Variants in RFTN1 observed in about 807,000 individuals in gnomAD.
RFTN1 encodes the protein raftlin.
A neutral mutation model predicts 46.5 loss-of-function variants in RFTN1; 26 were observed. That is an observed-to-expected ratio of 0.56 (90% CI 0.41 to 0.78). RFTN1 has a LOEUF of 0.78. Ranked by LOEUF, RFTN1 falls within the 30% of genes least tolerant of loss-of-function variation. RFTN1 has a pLI of 0.00. For missense variants in RFTN1, 693 were observed against 718.7 expected (o/e 0.96, Z 0.41); for synonymous variants, 261 against 284.2 (o/e 0.92, Z 0.82).
rs146279383 is a variant in RFTN1, at chr3:16,392,151, G to A, written c.442-14049C>T. 9.9e-5 allele frequency among the ~76,000 whole-genome samples: 15 copies of A among 152,190 alleles called. No homozygotes were observed. The East Asian group carries it at 2.7e-3, about 27-fold the overall frequency. On this transcript the variant is annotated intron_variant, in intron 4 of 9. Coordinates refer to ENST00000334133, the MANE Select transcript of RFTN1 (RefSeq NM_015150.2). ...CTGACTCCAATCCTAATGGGACCTGGCTCTTTGAGTGGGAATTCTCCCAAA... is the reference window on the plus strand; with the variant it reads ...CTGACTCCAATCCTAATGGGACCTGACTCTTTGAGTGGGAATTCTCCCAAA...
intron 4 of RFTN1, among the ~76,000 whole-genome samples, chr3:16,392,108 T>C (rs2074365751): frequency 1.3e-5 from 2 of 152,142 alleles, no homozygotes; most frequent in Non-Finnish European, 1.5e-5. Context: ...CAGTGTCCTC[T>C]AGCCATCTTC....
Position 16,345,836 on chromosome 3 carries a change from A to ACG in RFTN1, c.1146+12094_1146+12095dup, listed in dbSNP as rs1491500683. On this transcript the variant is annotated intron_variant, in intron 7 of 9. Transcript: ENST00000334133. The surrounding 1 kb of genome is among the most constrained non-coding windows in gnomAD (Gnocchi z 5.2). ...TGTGTGTGCGCGCGCGCGTGCGCGCACGCGCACATGTGCATGTGTATGTGT... is the reference window on the plus strand; with the variant it reads ...TGTGTGTGCGCGCGCGCGTGCGCGCACGCGCGCACATGTGCATGTGTATGTGT... Among the ~76,000 whole-genome samples, 3 of 63,588 alleles carry ACG rather than the reference A, an allele frequency of 4.7e-5. No homozygotes were observed. Among genetic ancestry groups the ACG allele is most frequent in the Non-Finnish European group, 1.2e-4 (3 of 24,172 alleles). 41.7% of individuals were successfully genotyped at this position (63,588 alleles called of 152,430 possible). A position where few individuals can be genotyped will look rare whatever the true frequency, so the allele number is the denominator to read the frequency against.
At chr3:16,340,409 T>C (rs1234174691) in intron 7 of RFTN1, among the ~76,000 whole-genome samples, 1 of 152,212 alleles carries the variant, frequency 6.6e-6, no homozygotes, top group Non-Finnish European at 1.5e-5. Context: ...GCCAGACATA[T>C]GAATGAGGCC....
intron 7 of RFTN1, among the ~76,000 whole-genome samples, chr3:16,343,950 A>G (rs534839929): frequency 4.6e-5 from 7 of 152,320 alleles, no homozygotes; most frequent in African/African-American, 1.4e-4. Context: ...ATGACGAGCA[A>G]CTGCCTCAAA....
chr3:16,489,884 G>C lies in RFTN1; in HGVS notation c.145+3841C>G, dbSNP rs909823115. 2.6e-5 allele frequency among the ~76,000 whole-genome samples: 4 copies of C among 152,170 alleles called. No individual in the cohort carries two copies. The highest frequency in any genetic ancestry group is 9.7e-5 in the African/African-American group (4 of 41,442). On this transcript the variant is annotated intron_variant, in intron 2 of 9. Transcript: ENST00000334133. This position sits in a 1 kb window ranked among gnomAD's most constrained non-coding sequence, Gnocchi z 4.0. ...GATCACAACATTGCACTCCAGCCTAGGTGACAGAGCGAGACTCCATGTCAA... is the reference window on the plus strand; with the variant it reads ...GATCACAACATTGCACTCCAGCCTACGTGACAGAGCGAGACTCCATGTCAA...
At chr3:16,415,808 T>A (rs1269239747) in intron 3 of RFTN1, among the ~76,000 whole-genome samples, 3 of 152,152 alleles carry the variant, frequency 2.0e-5, no homozygotes, top group Non-Finnish European at 4.4e-5. Context: ...AAATTTATAA[T>A]CTTCTCTCCA....
At position 16,484,371 on chromosome 3, in the gene RFTN1, C is replaced by T. The variant is rs1023756030; in HGVS notation, c.145+9354G>A. Among the ~76,000 whole-genome samples, 1 of 152,170 alleles carries T rather than the reference C, an allele frequency of 6.6e-6. No individual in the cohort carries two copies. The highest frequency in any genetic ancestry group is 2.4e-5 in the African/African-American group (1 of 41,442). On this transcript the variant is annotated intron_variant, in intron 2 of 9. Transcript: ENST00000334133. The surrounding 1 kb of genome is among the most constrained non-coding windows in gnomAD (Gnocchi z 4.6). ...TGTGCATGTCTTGAATAAGGAATGT[C>T]ATCCTGTTATTATCATGACCACCCA...
At chr3:16,355,641 A>G (rs776146933) in intron 7 of RFTN1, among the ~76,000 whole-genome samples, 2 of 152,138 alleles carry the variant, frequency 1.3e-5, no homozygotes, top group Non-Finnish European at 2.9e-5. Context: ...AGTGGCATCT[A>G]TACCCGCCCT....
At chr3:16,438,254 A>G (rs899744560) in intron 2 of RFTN1, among the ~76,000 whole-genome samples, 1 of 152,138 alleles carries the variant, frequency 6.6e-6, no homozygotes, top group African/African-American at 2.4e-5. Flanking sequence ...TATGCATCAC[A>G]CTAAAATAAA....
At chr3:16,390,658 C>T (rs1394570881) in intron 4 of RFTN1, among the ~76,000 whole-genome samples, 1 of 152,214 alleles carries the variant, frequency 6.6e-6, no homozygotes, top group African/African-American at 2.4e-5. Flanking sequence ...CAGGCACCAT[C>T]AGAGTCAGAA....
chr3:16,358,842 G>A (rs1165629494), intron 6 of RFTN1, among the ~76,000 whole-genome samples: 1 of 151,814 alleles, frequency 6.6e-6, no homozygotes, highest in Non-Finnish European at 1.5e-5. Context: ...GACCAGCCTG[G>A]GCAACACAAT....
At chr3:16,371,561 TCA>T (rs1176931716) in intron 5 of RFTN1, among the ~76,000 whole-genome samples, 1 of 152,238 alleles carries the variant, frequency 6.6e-6, no homozygotes. Flanking sequence ...CAAAGTCTTC[TCA>T]CAGCCCCGCC....
Position 16,337,802 on chromosome 3 carries a change from T to C in RFTN1, c.1147-10926A>G, listed in dbSNP as rs1353092587. Among the ~76,000 whole-genome samples the C allele has an allele frequency of 6.6e-6, 1 of 151,768 alleles. No individual in the cohort carries two copies. The highest frequency in any genetic ancestry group is 1.9e-4 in the East Asian group (1 of 5,186). Reference sequence around the variant, plus strand: ...TTGATTTGAGAGAAATACAATGATATAGTTACTGCTGAAGGGGAGTGTTCC... The same window carrying C: ...TTGATTTGAGAGAAATACAATGATACAGTTACTGCTGAAGGGGAGTGTTCC... On this transcript the variant is annotated intron_variant, in intron 7 of 9. Coordinates refer to ENST00000334133, the MANE Select transcript of RFTN1 (RefSeq NM_015150.2). The surrounding 1 kb of genome is among the most constrained non-coding windows in gnomAD (Gnocchi z 5.0).
chr3:16,381,287 A>T lies in RFTN1; in HGVS notation c.442-3185T>A, dbSNP rs1425587080. On this transcript the variant is annotated intron_variant, in intron 4 of 9. Coordinates refer to ENST00000334133, the MANE Select transcript of RFTN1 (RefSeq NM_015150.2). The surrounding 1 kb of genome is among the most constrained non-coding windows in gnomAD (Gnocchi z 4.2). ...TTTCTATTACTGTGTAATTTTCAAAATTTACTTAAGGGGCATGGATGTTAC... is the reference window on the plus strand; with the variant it reads ...TTTCTATTACTGTGTAATTTTCAAATTTTACTTAAGGGGCATGGATGTTAC... 6.6e-6 allele frequency among the ~76,000 whole-genome samples: 1 copy of T among 152,218 alleles called. No homozygotes were observed. The highest frequency in any genetic ancestry group is 1.5e-5 in the Non-Finnish European group (1 of 68,040).
chr3:16,343,964 G>A (rs2071477559), intron 7 of RFTN1, among the ~76,000 whole-genome samples: 1 of 152,194 alleles, frequency 6.6e-6, no homozygotes. Context: ...CCTCAAAAGT[G>A]AAGATCTGAG....
In RFTN1 at chr3:16,499,034, A is replaced by G. The variant is rs1278315308; in HGVS notation, c.-8-5157T>C. 6.6e-6 allele frequency among the ~76,000 whole-genome samples: 1 copy of G among 152,186 alleles called. No individual in the cohort carries two copies. Among genetic ancestry groups the G allele is most frequent in the Non-Finnish European group, 1.5e-5 (1 of 68,036 alleles). ...TTTTGAGGGCAGTGGGAGGGAAGGC[A>G]GAGGAAAAGGTCTAAGGAATAGTAC... On this transcript the variant is annotated intron_variant, in intron 1 of 9. Coordinates refer to ENST00000334133, the MANE Select transcript of RFTN1 (RefSeq NM_015150.2). The surrounding 1 kb of genome is among the most constrained non-coding windows in gnomAD (Gnocchi z 4.9).
rs2075674430 is a variant in RFTN1, at chr3:16,443,759, A to G, written c.146-9722T>C. 6.7e-6 allele frequency among the ~76,000 whole-genome samples: 1 copy of G among 149,944 alleles called. No individual in the cohort carries two copies. Among genetic ancestry groups the G allele is most frequent in the African/African-American group, 2.5e-5 (1 of 39,602 alleles). On this transcript the variant is annotated intron_variant, in intron 2 of 9. Coordinates refer to ENST00000334133, the MANE Select transcript of RFTN1 (RefSeq NM_015150.2). The surrounding 1 kb of genome is among the most constrained non-coding windows in gnomAD (Gnocchi z 5.5). Reference sequence around the variant, plus strand: ...TCAATGAATTACACACAACACACACACACACACACACACACACACACACAC... The same window carrying G: ...TCAATGAATTACACACAACACACACGCACACACACACACACACACACACAC...
rs1559843974 is a variant in RFTN1, at chr3:16,345,855, T to TGTGTGTGTGC, written c.1146+12076_1146+12077insGCACACACAC. Among the ~76,000 whole-genome samples the TGTGTGTGTGC allele has an allele frequency of 5.0e-4, 31 of 61,726 alleles. No individual in the cohort carries two copies. The highest frequency in any genetic ancestry group is 1.4e-3 in the Admixed American group (10 of 7,022). The allele number at this position is 61,726 out of a possible 152,430, so 40.5% of individuals were successfully genotyped here. ...GCGCGCACGCGCACATGTGCATGTG[T>TGTGTGTGTGC]ATGTGTATAATCTCCTACTGGTTCT... is the stretch of plus-strand genomic sequence containing the variant. On this transcript the variant is annotated intron_variant, in intron 7 of 9. Coordinates refer to ENST00000334133, the MANE Select transcript of RFTN1 (RefSeq NM_015150.2). The surrounding 1 kb of genome is among the most constrained non-coding windows in gnomAD (Gnocchi z 5.2).
rs534293412 is a variant in RFTN1 at position 16,378,429 on chromosome 3, G to C, written c.442-327C>G. Among the ~76,000 whole-genome samples the C allele has an allele frequency of 1.6e-4, 25 of 152,300 alleles. No individual in the cohort carries two copies. In the South Asian group the frequency reaches 2.5e-3, roughly 15 times the overall value. On this transcript the variant is annotated intron_variant, in intron 4 of 9. Transcript: ENST00000334133. ...GAGGCTGGAAAAAGTTCTAAACAAAGAGTTTGAAGGAGGAAGTTTGTTTTA... is the reference window on the plus strand; with the variant it reads ...GAGGCTGGAAAAAGTTCTAAACAAACAGTTTGAAGGAGGAAGTTTGTTTTA...
Sources: gnomAD v4.1 joint callset for allele counts (sites outside exome capture counted in the v4.1 genomes callset) on GRCh38, gnomAD v4.1.1 for gene constraint, Gnocchi (gnomAD v3.1) non-coding constraint, MANE v1.5 for transcripts, NCBI Gene and HGNC (gene_info 2026-07-23, HGNC 2026-07-21) for gene names.